The following ABCA13 variants were observed in gnomAD, a reference collection of about 807,000 sequenced individuals.
ABCA13 encodes the protein ATP-binding cassette sub-family A member 13.
Under a neutral mutation model 478.7 loss-of-function variants are expected in ABCA13, and 476 were observed. That is an observed-to-expected ratio of 0.99 (90% CI 0.92 to 1.07). The LOEUF (loss-of-function observed/expected upper bound fraction) is 1.07. ABCA13 is among the 50% of genes least tolerant of loss of function. The pLI is 0.00. For missense variants in ABCA13, 6,060 were observed against 5,910.6 expected (o/e 1.03, Z -0.83); for synonymous variants, 2,252 against 2,158.9 (o/e 1.04, Z -1.20).
chr7:48,178,956 C>T (rs1641022529), intron 1 of ABCA13, among the ~76,000 whole-genome samples: 1 of 146,724 alleles, frequency 6.8e-6, no homozygotes, highest in Admixed American at 6.9e-5. Context: ...ATTTACGTGG[C>T]TTCTGTGCAA....
intron 41 of ABCA13, among the ~76,000 whole-genome samples, chr7:48,424,385 C>T (rs889448210): frequency 3.9e-5 from 6 of 152,176 alleles, no homozygotes; most frequent in African/African-American, 1.4e-4. Context: ...AAGTATGTAT[C>T]AGATAAGAAG....
Position 48,275,490 on chromosome 7 carries a change from C to G in ABCA13, c.5824C>G (p.Leu1942Val), listed in dbSNP as rs368693884. 1.2e-6 allele frequency: 2 copies of G among 1,613,748 alleles called. No individual in the cohort carries two copies. Among genetic ancestry groups the G allele is most frequent in the Non-Finnish European group, 1.7e-6 (2 of 1,179,860 alleles). ...INQTRDSISE[L>V]CPSGSIKQVA... ...TCAAACTAGGGATAGCATCTCTGAACTCTGTCCTAGTGGTTCCATAAAGCA... is the reference window on the plus strand; with the variant it reads ...TCAAACTAGGGATAGCATCTCTGAAGTCTGTCCTAGTGGTTCCATAAAGCA... Residue 1942 changes from leucine to valine, a missense_variant, in exon 17 of 62, where the codon CTC becomes GTC. By Grantham distance (32) the Leu-to-Val change is conservative (BLOSUM62 1). Around this residue, in one of 3 missense-constraint regions of ABCA13, gnomAD observed 4,423 missense variants for 4,309.1 expected, o/e 1.03. Transcript: ENST00000435803.
intron 58 of ABCA13, among the ~76,000 whole-genome samples, chr7:48,602,707 G>A (rs1208570076): frequency 6.6e-6 from 1 of 151,788 alleles, no homozygotes; most frequent in Non-Finnish European, 1.5e-5. Flanking sequence ...GGTTACGCGG[G>A]CTCTTTTTTG....
At chr7:48,229,176 T>C (rs1314990630) in intron 6 of ABCA13, among the ~76,000 whole-genome samples, 2 of 152,200 alleles carry the variant, frequency 1.3e-5, no homozygotes, top group Non-Finnish European at 2.9e-5. Flanking sequence ...ATATTCCAAC[T>C]TCTGTTGAGT....
At chr7:48,413,118 G>A (rs1819508156) in intron 41 of ABCA13, among the ~76,000 whole-genome samples, 2 of 152,146 alleles carry the variant, frequency 1.3e-5, no homozygotes, top group Admixed American at 6.6e-5. Context: ...GCCTCTTTTA[G>A]CATTCTTGTA....
At chr7:48,566,756 A>G (rs1375245104) in intron 55 of ABCA13, among the ~76,000 whole-genome samples, 1 of 152,118 alleles carries the variant, frequency 6.6e-6, no homozygotes, top group African/African-American at 2.4e-5. Context: ...GTAGATCCTT[A>G]TTTGCCCCCA....
intron 50 of ABCA13, among the ~76,000 whole-genome samples, chr7:48,508,790 A>G (rs372081838): frequency 1.3e-5 from 2 of 152,222 alleles, no homozygotes; most frequent in African/African-American, 4.8e-5. Flanking sequence ...TCCATGCACT[A>G]GGTGCTGTCT....
intron 59 of ABCA13, among the ~76,000 whole-genome samples, chr7:48,629,844 A>G (rs1286016283): frequency 6.6e-6 from 1 of 151,916 alleles, no homozygotes; most frequent in African/African-American, 2.4e-5. Context: ...GCTAGCCCAA[A>G]GTAAAAGGGT....
Position 48,452,193 on chromosome 7 carries a change from G to A in ABCA13, c.12566-2844G>A, listed in dbSNP as rs1405818888. Among the ~76,000 whole-genome samples the A allele has an allele frequency of 7.2e-5, 11 of 152,184 alleles. No individual in the cohort carries two copies. The East Asian group carries it at 1.7e-3, about 24-fold the overall frequency. ...TCTGATGAACATTTACTATGACTCC[G>A]GGTCAACATTACGTTTATTCTGGCA... On this transcript the variant is annotated intron_variant, in intron 42 of 61. Transcript: ENST00000435803.
chr7:48,520,423 T>G, intron 53 of ABCA13, 129 bp downstream of exon 53: 2 of 1,069,320 alleles, frequency 1.9e-6, no homozygotes, highest in South Asian at 3.8e-5. Flanking sequence ...TCTAATGCGT[T>G]AAGATTTTAT....
chr7:48,392,153 T>G lies in ABCA13; in HGVS notation c.11873+14T>G. 6.2e-7 allele frequency: 1 copy of G among 1,611,324 alleles called. No individual in the cohort carries two copies. The highest frequency in any genetic ancestry group is 1.1e-5 in the South Asian group (1 of 90,996). On this transcript the variant is annotated intron_variant, in intron 38 of 61. Transcript: ENST00000435803. ...GCAAGTCAATCAGTTAGTAAACAGT[T>G]GTCTCTCTGCTCCTCCTGCCTCTGC...
chr7:48,480,903 A>G (rs1268376342), intron 45 of ABCA13, 133 bp from the exon 46 acceptor site: 3 of 645,012 alleles, frequency 4.7e-6, no homozygotes, highest in East Asian at 5.5e-5. Context: ...AAATTAGAAC[A>G]TATAAAGGGC....
intron 27 of ABCA13, among the ~76,000 whole-genome samples, chr7:48,324,347 C>G (rs1036426982): frequency 6.6e-6 from 1 of 152,144 alleles, no homozygotes; most frequent in East Asian, 1.9e-4. Flanking sequence ...GAGTCCACCC[C>G]AATGACCTCA....
At chr7:48,348,396 G>T (rs983451748) in intron 29 of ABCA13, among the ~76,000 whole-genome samples, 2 of 152,220 alleles carry the variant, frequency 1.3e-5, no homozygotes, top group Non-Finnish European at 2.9e-5. Context: ...TTAAACCTTA[G>T]AAAGTGTTGA....
At chr7:48,496,266 G>GTTC (rs1250057930) in intron 48 of ABCA13, among the ~76,000 whole-genome samples, 1 of 151,572 alleles carries the variant, frequency 6.6e-6, no homozygotes, top group Non-Finnish European at 1.5e-5. Flanking sequence ...TTTCTTAGTG[G>GTTC]TTCTTCTAGG....
rs372286953 is a variant in ABCA13, at chr7:48,524,382, G to A, written c.14186G>A (p.Arg4729His). ...VLYNLSKHYR[R>H]FFQNIIAVQD... ...TACAACCTTAGTAAACATTATCGAC[G>A]CTTTTTCCAGAATATTATTGCTGTG... The change falls in exon 54 of 62, where the codon CGC becomes CAC. Residue 4729 changes from arginine (R) to histidine (H), a missense_variant. Arg to His is a conservative substitution (Grantham distance 29, BLOSUM62 0). This residue lies in a region of ABCA13 where 1,627 missense variants were observed against 1,571.0 expected (regional missense o/e 1.04). Coordinates refer to ENST00000435803, the MANE Select transcript of ABCA13 (RefSeq NM_152701.5). 28 of 1,612,862 alleles carry A rather than the reference G, an allele frequency of 1.7e-5. No homozygotes were observed. The highest frequency in any genetic ancestry group is 4.4e-5 in the South Asian group (4 of 90,952).
intron 24 of ABCA13, 61 bp downstream of exon 24, chr7:48,310,202 A>G (rs1485588100): frequency 2.0e-5 from 31 of 1,538,644 alleles, no homozygotes; most frequent in South Asian, 1.7e-4. Flanking sequence ...GTGGCTGCAG[A>G]TAAGTACAGT....
At chr7:48,221,779 T>C (rs900424853) in intron 5 of ABCA13, among the ~76,000 whole-genome samples, 1 of 152,206 alleles carries the variant, frequency 6.6e-6, no homozygotes, top group Non-Finnish European at 1.5e-5. Context: ...GAGGGTAATA[T>C]TAACCTCTAG....
intron 29 of ABCA13, among the ~76,000 whole-genome samples, chr7:48,338,978 G>A (rs1390574274): frequency 1.3e-5 from 2 of 152,174 alleles, no homozygotes; most frequent in Admixed American, 6.5e-5. Context: ...AAATATTCCT[G>A]TTCCACCATG....
Sources: allele counts gnomAD v4.1 joint callset (sites outside exome capture counted in the v4.1 genomes callset), GRCh38; gene constraint gnomAD v4.1.1; regional missense constraint gnomAD v4.1.1; transcripts MANE v1.5; gene names NCBI Gene and HGNC (gene_info 2026-07-23, HGNC 2026-07-21).